The following EPM2A variants were observed in gnomAD, a reference collection of about 807,000 sequenced individuals.
EPM2A encodes EPM2A glucan phosphatase, laforin.
In EPM2A, 21 loss-of-function variants were observed where a neutral mutation model predicts 26.5. That is an observed-to-expected ratio of 0.79 (90% CI 0.56 to 1.14). The LOEUF (loss-of-function observed/expected upper bound fraction) is 1.14. Among genes scored for constraint, EPM2A ranks in the 50% most tolerant of loss-of-function variants. The probability of loss-of-function intolerance (pLI) is 0.00; values close to 1 mark genes in which losing one functional copy is unlikely to be tolerated. For synonymous variants in EPM2A, 217 were observed against 177.6 expected (o/e 1.22, Z -1.76); for missense variants, 458 against 440.8 (o/e 1.04, Z -0.35).
chr6:145,702,527 G>T (rs1781977330), intron 1 of EPM2A, among the ~76,000 whole-genome samples: 1 of 152,042 alleles, frequency 6.6e-6, no homozygotes, highest in Non-Finnish European at 1.5e-5. Flanking sequence ...TGTTGTGAGA[G>T]AATTCAATGA....
In EPM2A at chr6:145,702,161, G is replaced by A. The variant is rs979667206; in HGVS notation, c.302-15865C>T. On this transcript the variant is annotated intron_variant, in intron 1 of 3. Transcript: ENST00000367519. ...TTCCCTATTCATTCTTCAGCGTCCT[G>A]CAATATGGCATCTGCACTCAATGCT... 9.2e-5 allele frequency among the ~76,000 whole-genome samples: 14 copies of A among 152,156 alleles called. No homozygotes were observed. The East Asian group carries it at 2.5e-3, about 27-fold the overall frequency.
intron 2 of EPM2A, among the ~76,000 whole-genome samples, chr6:145,602,800 G>T (rs1157943648): frequency 1.3e-5 from 2 of 152,136 alleles, no homozygotes; most frequent in East Asian, 3.8e-4. Context: ...AACTGAAATA[G>T]AAGAAAACAG....
chr6:145,574,904 C>T lies in EPM2A; in HGVS notation c.340+60341G>A, dbSNP rs1468464183. ...ACACCCTTAATATCTATTCCCATGC[C>T]GTTCTCCATATTTCTGCTTATATAA... On this transcript the variant is annotated intron_variant, in intron 2 of 3. Coordinates refer to the EPM2A transcript ENST00000450221. Among the ~76,000 whole-genome samples, 9 of 152,148 alleles carry T rather than the reference C, an allele frequency of 5.9e-5. No homozygotes were observed. In the South Asian group the frequency reaches 6.2e-4, roughly 11 times the overall value.
At chr6:145,620,654 T>G (rs533523381), downstream of EPM2A, among the ~76,000 whole-genome samples, 1 of 152,230 alleles carries the variant, frequency 6.6e-6, no homozygotes. Context: ...TTGATAAGTA[T>G]GGTAATGACA....
At chr6:145,690,732 A>C (rs1781230407) in intron 1 of EPM2A, among the ~76,000 whole-genome samples, 1 of 152,074 alleles carries the variant, frequency 6.6e-6, no homozygotes, top group African/African-American at 2.4e-5. Flanking sequence ...AGGCCTCAGT[A>C]ACCCATTAGA....
intron 4 of EPM2A, among the ~76,000 whole-genome samples, chr6:145,389,633 G>T (rs1778311386): frequency 6.6e-6 from 1 of 152,132 alleles, no homozygotes; most frequent in African/African-American, 2.4e-5. Context: ...ACAATGCCTA[G>T]CACATAATTG....
chr6:145,491,569 T>TA (rs1242338350), intron 4 of EPM2A, among the ~76,000 whole-genome samples: 1 of 152,156 alleles, frequency 6.6e-6, no homozygotes, highest in Non-Finnish European at 1.5e-5. Context: ...CTGGGGTTTT[T>TA]ATAGGCACAG....
intron 2 of EPM2A, among the ~76,000 whole-genome samples, chr6:145,579,056 A>T (rs1231790913): frequency 6.6e-6 from 1 of 152,108 alleles, no homozygotes; most frequent in Non-Finnish European, 1.5e-5. Context: ...ATGTTAAATG[A>T]CGAGTTAATA....
At chr6:145,671,106 G>C (rs1008186004) in intron 2 of EPM2A, 3 of 993,322 alleles carry the variant, frequency 3.0e-6, no homozygotes, top group Admixed American at 6.0e-5. Flanking sequence ...ATGTAATTAG[G>C]TCCCATTGCC....
At chr6:145,390,232 C>T (rs1181086286) in intron 4 of EPM2A, among the ~76,000 whole-genome samples, 1 of 152,034 alleles carries the variant, frequency 6.6e-6, no homozygotes, top group African/African-American at 2.4e-5. Context: ...TTAAGACCTT[C>T]AACTGACTGG....
chr6:145,496,883 G>A (rs539077027), downstream of EPM2A, among the ~76,000 whole-genome samples: 103 of 151,908 alleles, frequency 6.8e-4, no homozygotes, highest in Middle Eastern at 3.4e-3. Context: ...GACTACAGGC[G>A]CCCGCCACCG....
chr6:145,502,522 C>A (rs1486129098), exon 3 of EPM2A: 3 of 470,196 alleles, frequency 6.4e-6, no homozygotes, highest in Non-Finnish European at 1.3e-5. Context: ...ACTCACTCAC[C>A]TGCAGTCTCT....
At chr6:145,733,845 G>C (rs1472714684) in intron 1 of EPM2A, among the ~76,000 whole-genome samples, 1 of 151,966 alleles carries the variant, frequency 6.6e-6, no homozygotes, top group Non-Finnish European at 1.5e-5. Context: ...CATCATTACA[G>C]GCTAAATGGC....
At chr6:145,465,386 A>G (rs996716567) in intron 4 of EPM2A, among the ~76,000 whole-genome samples, 1 of 151,458 alleles carries the variant, frequency 6.6e-6, no homozygotes, top group African/African-American at 2.4e-5. Context: ...TTTTTTTCAA[A>G]GTTTTCAACT....
At chr6:145,726,912 T>G (rs1776238768) in intron 1 of EPM2A, among the ~76,000 whole-genome samples, 1 of 152,136 alleles carries the variant, frequency 6.6e-6, no homozygotes, top group Admixed American at 6.5e-5. Context: ...ATTGGTTCCT[T>G]AATTATCACA....
At chr6:145,490,491 T>A (rs966652536) in intron 4 of EPM2A, 1 of 722,018 alleles carries the variant, frequency 1.4e-6, no homozygotes, top group African/African-American at 1.8e-5. Flanking sequence ...CTTTAAAATG[T>A]CCAGAACAGT....
chr6:145,538,492 T>C (rs1161959097), intron 2 of EPM2A, among the ~76,000 whole-genome samples: 1 of 152,222 alleles, frequency 6.6e-6, no homozygotes, highest in Admixed American at 6.5e-5. Context: ...TCTTAGAGCA[T>C]CACTTATCAA....
chr6:145,716,888 T>G (rs1425768596), intron 1 of EPM2A, among the ~76,000 whole-genome samples: 2 of 152,234 alleles, frequency 1.3e-5, no homozygotes, highest in East Asian at 3.8e-4. Flanking sequence ...AGCTTTGTTG[T>G]TGTATTTATT....
At chr6:145,448,128 C>T (rs1446970141) in intron 4 of EPM2A, among the ~76,000 whole-genome samples, 1 of 152,214 alleles carries the variant, frequency 6.6e-6, no homozygotes, top group South Asian at 2.1e-4. Context: ...GTAGTGATTT[C>T]ACATAAGTGA....
Sources: gnomAD v4.1 joint callset for allele counts (sites outside exome capture counted in the v4.1 genomes callset) on GRCh38, gnomAD v4.1.1 for gene constraint, MANE v1.5 for transcripts, NCBI Gene and HGNC (gene_info 2026-07-23, HGNC 2026-07-21) for gene names.